Variants in SPTBN2 observed in about 807,000 individuals in gnomAD.
SPTBN2 encodes spectrin beta, non-erythrocytic 2, also known as spectrin beta chain, non-erythrocytic 2.
SPTBN2 carries 107 observed loss-of-function variants against 284.2 expected under a neutral mutation model. The ratio of observed to expected loss-of-function variants is 0.38; its 90% CI spans 0.32 to 0.44. SPTBN2 has a LOEUF of 0.44. Ranked by LOEUF, SPTBN2 falls within the 20% of genes least tolerant of loss-of-function variation. SPTBN2 has a pLI of 1.00. For missense variants in SPTBN2, 2,569 were observed against 3,287.1 expected (o/e 0.78, Z 5.34); for synonymous variants, 1,289 against 1,354.8 (o/e 0.95, Z 1.07).
intron 1 of SPTBN2, among the ~76,000 whole-genome samples, chr11:66,741,458 G>A (rs1002413565): frequency 2.0e-5 from 3 of 152,134 alleles, no homozygotes; most frequent in East Asian, 1.9e-4. Flanking sequence ...ACCCAGTGTC[G>A]GGTATGTCTT....
At position 66,683,707 on chromosome 11, in the gene SPTBN2, C is replaced by T. The variant is rs3741364; in HGVS notation, c.*2164G>A. Reference sequence around the variant, plus strand: ...CAATTGGCTGTCCTATTTACACTTACGTGTCGTGTTAAAATAATCATTTCT... The same window carrying T: ...CAATTGGCTGTCCTATTTACACTTATGTGTCGTGTTAAAATAATCATTTCT... On this transcript the variant is annotated 3_prime_UTR_variant, in exon 38 of 38. Coordinates refer to ENST00000533211, the MANE Select transcript of SPTBN2 (RefSeq NM_006946.4). Among the ~76,000 whole-genome samples, 29,946 of 152,238 alleles carry T rather than the reference C, an allele frequency of 0.2. 2,958 individuals carry two copies. The highest frequency in any genetic ancestry group is 0.27 in the Middle Eastern group (80 of 294).
Position 66,693,938 on chromosome 11 carries a change from C to T in SPTBN2, c.4504-77G>A. On this transcript the variant is annotated intron_variant, in intron 22 of 37. Coordinates refer to ENST00000533211, the MANE Select transcript of SPTBN2 (RefSeq NM_006946.4). The surrounding 1 kb of genome is among the most constrained non-coding windows in gnomAD (Gnocchi z 5.7). ...AGGGACTGATTAGTGGGAGTGGGGA[C>T]ACCTGGGGCTACCGCCCTGTGTGTG... 1 of 1,439,884 alleles carries T rather than the reference C, an allele frequency of 6.9e-7. No homozygotes were observed. The highest frequency in any genetic ancestry group is 1.2e-5 in the South Asian group (1 of 83,542). The allele number at this position is 1,439,884 out of a possible 1,614,324, so 89.2% of individuals were successfully genotyped here. A position where few individuals can be genotyped will look rare whatever the true frequency, so the allele number is the denominator to read the frequency against.
Position 66,705,115 on chromosome 11 carries a change from G to T in SPTBN2, c.2161C>A (p.Arg721Ser). The T allele has an allele frequency of 6.4e-7, 1 of 1,552,270 alleles. No individual in the cohort carries two copies. Residue 721 changes from arginine to serine, a missense_variant, in exon 15 of 38, where the codon CGT becomes AGT. Arg to Ser is a moderately radical substitution (Grantham distance 110). Coordinates refer to ENST00000533211, the MANE Select transcript of SPTBN2 (RefSeq NM_006946.4). ...CACTGGGCTTGGAGTTCAGCTGCAC[G>T]GGCAGAGGCCTGGCTTGCCCCAGGG... ...GHPGASQASA[R>S]AAELQAQWER...
chr11:66,689,916 G>A lies in SPTBN2; in HGVS notation c.5838C>T (p.Ile1946=). Residue 1946 remains isoleucine (I), a synonymous_variant, in exon 29 of 38, where the codon ATC becomes ATT. Transcript: ENST00000533211. ...PRDVSSADLV[I]KNQQGIKAEI... ...CTGCCTTGATGCCTTGCTGGTTCTT[G>A]ATGACTAGATCCGCGGAGGACACAT... 2 of 1,614,068 alleles carry A rather than the reference G, an allele frequency of 1.2e-6. No homozygotes were observed. The highest frequency in any genetic ancestry group is 1.7e-6 in the Non-Finnish European group (2 of 1,180,016).
chr11:66,726,903 C>T (rs762086953), intron 1 of SPTBN2, among the ~76,000 whole-genome samples: 35 of 152,246 alleles, frequency 2.3e-4, no homozygotes, highest in Admixed American at 2.0e-3. Context: ...TCCAGGAAGG[C>T]AAGAGAAAGA....
At position 66,714,145 on chromosome 11, in the gene SPTBN2, A is replaced by T. The variant is rs542921885; in HGVS notation, c.602T>A (p.Phe201Tyr). Residue 201 changes from phenylalanine to tyrosine, a missense_variant, in exon 7 of 38, where the codon TTC becomes TAC. Coordinates refer to ENST00000533211, the MANE Select transcript of SPTBN2 (RefSeq NM_006946.4). The stretch of plus-strand genomic sequence containing the variant: ...TAGTCCATCTCTCCAGCTGGTGGTG[A>T]AGTTGTGTACATTGACGTTGGGATA... ...AGYPNVNVHN[F>Y]TTSWRDGLAF... The T allele has an allele frequency of 6.2e-7, 1 of 1,614,212 alleles. No individual in the cohort carries two copies. The highest frequency in any genetic ancestry group is 1.7e-5 in the Admixed American group (1 of 60,030).
At chr11:66,705,896 G>A in intron 13 of SPTBN2, 59 bp from the exon 14 acceptor site, 1 of 1,581,496 alleles carries the variant, frequency 6.3e-7, no homozygotes, top group Non-Finnish European at 8.6e-7. Context: ...TAACCTGGCT[G>A]CGTTTTTCTT....
chr11:66,686,192 C>G (rs1193955106), intron 37 of SPTBN2, 88 bp from the exon 38 acceptor site: 3 of 1,449,408 alleles, frequency 2.1e-6, no homozygotes, highest in Non-Finnish European at 2.9e-6. Context: ...GAGGAGGAGG[C>G]AGAAAGTGAG....
Position 66,710,740 on chromosome 11 carries a change from G to C in SPTBN2, c.915C>G (p.Arg305=). The change falls in exon 10 of 38, where the codon CGC becomes CGG. Residue 305 remains arginine (R), a synonymous_variant. Transcript: ENST00000533211. This position sits in a 1 kb window ranked among gnomAD's most constrained non-coding sequence, Gnocchi z 4.9. ...CCAGGGACTCGTATTTCTCCACCAG[G>C]CGCTCTGCCTCCATGGCATGGTCCA... ...KVLDHAMEAE[R]LVEKYESLAS... 1.2e-6 allele frequency: 2 copies of C among 1,614,108 alleles called. No individual in the cohort carries two copies. The highest frequency in any genetic ancestry group is 1.7e-6 in the Non-Finnish European group (2 of 1,180,030).
At chr11:66,736,036 G>A (rs1275919325) in intron 1 of SPTBN2, among the ~76,000 whole-genome samples, 2 of 152,132 alleles carry the variant, frequency 1.3e-5, no homozygotes, top group African/African-American at 4.8e-5. Context: ...CTTGGTCTTG[G>A]CCAGCTTGGG....
intron 1 of SPTBN2, among the ~76,000 whole-genome samples, chr11:66,725,445 C>A (rs1942581222): frequency 6.6e-6 from 1 of 152,218 alleles, no homozygotes; most frequent in Non-Finnish European, 1.5e-5. Flanking sequence ...ATATCCAGCG[C>A]TGGTTTCTTG....
At position 66,686,312 on chromosome 11, in the gene SPTBN2, AGAGG is replaced by A. The variant is rs545348471; in HGVS notation, c.6939+82_6939+85del. On this transcript the variant is annotated intron_variant, in intron 37 of 37. Coordinates refer to ENST00000533211, the MANE Select transcript of SPTBN2 (RefSeq NM_006946.4). ...ACCACAAAGGACAAGACCAGGAAAA[AGAGG>A]GAGGACAGGGAAAGAAGGGGAGTCT... 232 of 1,564,106 alleles carry A rather than the reference AGAGG, an allele frequency of 1.5e-4. 3 individuals are homozygous for A. In the East Asian group the frequency reaches 4.8e-3, roughly 32 times the overall value.
In SPTBN2 at chr11:66,687,646, C is replaced by A. The variant is rs774224948; in HGVS notation, c.6503G>T (p.Gly2168Val). ...LEHSSFPEGP[G>V]PGSGDEANGP... ...ATTGGCTTCGTCCCCTGAGCCAGGT[C>A]CCTGGGGGGGAATCAGTGTCAGTGT... Residue 2168 changes from glycine to valine, a missense_variant and splice_region_variant, in exon 35 of 38, where the codon GGA (glycine) becomes GTA (valine). Around this residue, in one of 6 missense-constraint regions of SPTBN2, gnomAD observed 1,130 missense variants for 1,317.3 expected, o/e 0.86. Coordinates refer to ENST00000533211, the MANE Select transcript of SPTBN2 (RefSeq NM_006946.4). This position sits in a 1 kb window ranked among gnomAD's most constrained non-coding sequence, Gnocchi z 5.2. The A allele has an allele frequency of 3.1e-6, 5 of 1,592,078 alleles. No individual in the cohort carries two copies. In the South Asian group the frequency reaches 5.6e-5, roughly 18 times the overall value.
chr11:66,687,062 G>A lies in SPTBN2; in HGVS notation c.6828C>T (p.Val2276=). The A allele has an allele frequency of 6.2e-7, 1 of 1,614,148 alleles. No individual in the cohort carries two copies. The highest frequency in any genetic ancestry group is 8.5e-7 in the Non-Finnish European group (1 of 1,180,042). ...AGVPYHGEVP[V]SLARAQGSVA... The stretch of plus-strand genomic sequence containing the variant: ...CGCTGCCCTGGGCCCTGGCCAGGCT[G>A]ACAGGCACTTCTCCGTGGTATGGCA... Residue 2276 remains valine, a synonymous_variant, in exon 36 of 38, where the codon GTC becomes GTT. Coordinates refer to ENST00000533211, the MANE Select transcript of SPTBN2 (RefSeq NM_006946.4). This position sits in a 1 kb window ranked among gnomAD's most constrained non-coding sequence, Gnocchi z 5.2.
Position 66,700,965 on chromosome 11 carries a change from G to A in SPTBN2, c.3134C>T (p.Thr1045Ile), listed in dbSNP as rs1238555845. 6.2e-7 allele frequency: 1 copy of A among 1,606,062 alleles called. No individual in the cohort carries two copies. Among genetic ancestry groups the A allele is most frequent in the South Asian group, 1.1e-5 (1 of 91,074 alleles). ...AINARLREVQ[T>I]GWEDLRATMR... ...GGTGGCCCTGAGGTCCTCCCAGCCGGTCTGCACCTCTCTCAGCCGGGCGTT... is the reference window on the plus strand; with the variant it reads ...GGTGGCCCTGAGGTCCTCCCAGCCGATCTGCACCTCTCTCAGCCGGGCGTT... Residue 1045 changes from threonine to isoleucine, a missense_variant, in exon 17 of 38, where the codon ACC becomes ATC. Thr to Ile is a moderately conservative substitution (Grantham distance 89, BLOSUM62 -1). Transcript: ENST00000533211. The surrounding 1 kb of genome is among the most constrained non-coding windows in gnomAD (Gnocchi z 6.6).
Position 66,715,998 on chromosome 11 carries a change from G to C in SPTBN2, c.158-17C>G, listed in dbSNP as rs1368558620. On this transcript the variant is annotated splice_polypyrimidine_tract_variant and intron_variant, in intron 3 of 37. Coordinates refer to ENST00000533211, the MANE Select transcript of SPTBN2 (RefSeq NM_006946.4). This position sits in a 1 kb window ranked among gnomAD's most constrained non-coding sequence, Gnocchi z 5.3. Reference sequence around the variant, plus strand: ...CTCGTTCATCTGTGGTGGCAACATGGGTTTATTTCTGTCCCTCGAGTTCAG... The same window carrying C: ...CTCGTTCATCTGTGGTGGCAACATGCGTTTATTTCTGTCCCTCGAGTTCAG... 1 of 1,613,602 alleles carries C rather than the reference G, an allele frequency of 6.2e-7. No homozygotes were observed. Among genetic ancestry groups the C allele is most frequent in the Admixed American group, 1.7e-5 (1 of 60,008 alleles).
intron 36 of SPTBN2, 40 bp from the exon 37 acceptor site, chr11:66,686,480 C>A (rs1050158525): frequency 5.0e-6 from 8 of 1,611,718 alleles, no homozygotes; most frequent in Middle Eastern, 3.4e-4. Context: ...GCTGAGAATC[C>A]GGATCTGCCA....
At chr11:66,696,590 T>C in intron 20 of SPTBN2, 50 bp from the exon 21 acceptor site, 1 of 1,605,010 alleles carries the variant, frequency 6.2e-7, no homozygotes, top group Non-Finnish European at 8.5e-7. Flanking sequence ...GCCTGAACTT[T>C]AGAGGCTGAG....
At position 66,687,690 on chromosome 11, in the gene SPTBN2, A is replaced by G. The variant is rs1458565075; in HGVS notation, c.6502-43T>C. 6.4e-7 allele frequency: 1 copy of G among 1,572,148 alleles called. No individual in the cohort carries two copies. Among genetic ancestry groups the G allele is most frequent in the Non-Finnish European group, 8.6e-7 (1 of 1,157,546 alleles). ...TCAGTGTCAAAGGTTGAGACGGGAG[A>G]TCCCTAACCTGGGTGCCAGGAAGCT... On this transcript the variant is annotated intron_variant, in intron 34 of 37. Transcript: ENST00000533211. This position sits in a 1 kb window ranked among gnomAD's most constrained non-coding sequence, Gnocchi z 5.2.
Sources: gnomAD v4.1 joint callset for allele counts (sites outside exome capture counted in the v4.1 genomes callset) on GRCh38, gnomAD v4.1.1 for gene constraint, gnomAD v4.1.1 regional missense constraint, Gnocchi (gnomAD v3.1) non-coding constraint, MANE v1.5 for transcripts, NCBI Gene and HGNC (gene_info 2026-07-23, HGNC 2026-07-21) for gene names.